The following SINHCAF variants were observed in gnomAD, a reference collection of about 807,000 sequenced individuals.
SINHCAF encodes the protein SIN3-HDAC complex-associated factor.
In SINHCAF, 3 loss-of-function variants were observed where a neutral mutation model predicts 25.8. The observed-to-expected ratio is 0.12, with a 90% CI of 0.05 to 0.30. The LOEUF (loss-of-function observed/expected upper bound fraction) is 0.30, where lower values mean the gene tolerates loss of function less well. Among genes scored for constraint, SINHCAF ranks in the 10% least tolerant of loss-of-function variants. The pLI, the probability that SINHCAF is intolerant of heterozygous loss-of-function variation, is 1.00. For missense variants in SINHCAF, 121 were observed against 262.3 expected, an observed-to-expected ratio of 0.46 and a Z score of 3.72; for synonymous variants, 70 against 85.5, an observed-to-expected ratio of 0.82 and a Z score of 1.00.
chr12:31,299,295 C>T (rs1938680169), intron 1 of SINHCAF, among the ~76,000 whole-genome samples: 1 of 151,808 alleles, frequency 6.6e-6, no homozygotes, highest in Admixed American at 6.6e-5. Context: ...AAAATTATCA[C>T]ATAAAGCAAC....
intron 2 of SINHCAF, among the ~76,000 whole-genome samples, chr12:31,295,889 A>G (rs922582485): frequency 1.3e-5 from 2 of 151,602 alleles, no homozygotes; most frequent in African/African-American, 4.8e-5. Flanking sequence ...AAAAAATTAA[A>G]TAATTAAATA....
intron 4 of SINHCAF, among the ~76,000 whole-genome samples, chr12:31,289,655 T>C (rs1352747169): frequency 6.6e-6 from 1 of 152,164 alleles, no homozygotes; most frequent in Non-Finnish European, 1.5e-5. Flanking sequence ...AGGTGGGGCC[T>C]ACCATACACC....
intron 4 of SINHCAF, among the ~76,000 whole-genome samples, chr12:31,290,305 C>A (rs971435728): frequency 2.0e-5 from 3 of 151,986 alleles, no homozygotes; most frequent in Admixed American, 6.6e-5. Context: ...CCACACCCAA[C>A]TAATTTTTTT....
chr12:31,292,744 G>A (rs1379565333), intron 4 of SINHCAF, among the ~76,000 whole-genome samples: 1 of 152,130 alleles, frequency 6.6e-6, no homozygotes, highest in Non-Finnish European at 1.5e-5. Context: ...GATTACATAT[G>A]TAAAGTGCTT....
chr12:31,294,396 C>T (rs115262606), intron 3 of SINHCAF, among the ~76,000 whole-genome samples: 215 of 152,208 alleles, frequency 1.4e-3, no homozygotes, highest in African/African-American at 4.9e-3. Flanking sequence ...CCTTATTTCA[C>T]CAAGCGAGTA....
chr12:31,317,047 C>T (rs1052678848), intron 1 of SINHCAF, among the ~76,000 whole-genome samples: 1 of 152,078 alleles, frequency 6.6e-6, no homozygotes. Context: ...CTTCTTCTGG[C>T]TTTTTTATAT....
At chr12:31,285,573 A>G (rs1244126231) in intron 5 of SINHCAF, among the ~76,000 whole-genome samples, 1 of 152,158 alleles carries the variant, frequency 6.6e-6, no homozygotes, top group African/African-American at 2.4e-5. Flanking sequence ...TATCATTCTA[A>G]TGCCAAACTG....
At chr12:31,301,454 G>A (rs1938790926) in intron 1 of SINHCAF, among the ~76,000 whole-genome samples, 1 of 152,202 alleles carries the variant, frequency 6.6e-6, no homozygotes, top group Non-Finnish European at 1.5e-5. Context: ...CCTAGGCAAT[G>A]CTCAGTGAGA....
intron 1 of SINHCAF, among the ~76,000 whole-genome samples, chr12:31,309,213 A>T (rs920105932): frequency 6.6e-6 from 1 of 151,782 alleles, no homozygotes; most frequent in African/African-American, 2.4e-5. Flanking sequence ...GAAGCACTGG[A>T]TATCTAGGTA....
At chr12:31,313,079 C>T (rs1392857033) in intron 1 of SINHCAF, among the ~76,000 whole-genome samples, 1 of 152,166 alleles carries the variant, frequency 6.6e-6, no homozygotes, top group Non-Finnish European at 1.5e-5. Context: ...GGCTGGAGTG[C>T]AATGGCACGA....
At chr12:31,301,315 G>A (rs949455997) in intron 1 of SINHCAF, among the ~76,000 whole-genome samples, 2 of 152,128 alleles carry the variant, frequency 1.3e-5, no homozygotes, top group Admixed American at 1.3e-4. Flanking sequence ...CTTAGACATA[G>A]GGGAGAATAG....
At chr12:31,285,643 T>C (rs1938027593) in intron 5 of SINHCAF, among the ~76,000 whole-genome samples, 1 of 152,092 alleles carries the variant, frequency 6.6e-6, no homozygotes, top group Non-Finnish European at 1.5e-5. Context: ...TTCCTCTTTG[T>C]ACCTGTGTTT....
At chr12:31,319,828 T>C (rs552692754) in intron 1 of SINHCAF, among the ~76,000 whole-genome samples, 24 of 152,274 alleles carry the variant, frequency 1.6e-4, no homozygotes, top group Non-Finnish European at 2.9e-4. Flanking sequence ...CACCAATCCA[T>C]TCCAATCTTT....
rs2304459 is a variant in SINHCAF, at chr12:31,293,810, C to T, written c.350G>A (p.Arg117His). 9.2e-4 allele frequency: 1,471 copies of T among 1,596,512 alleles called. 15 individuals carry two copies. The East Asian group carries it at 0.015, about 16-fold the overall frequency. Residue 117 changes from arginine to histidine, a missense_variant, in exon 4 of 6, where the codon CGT (arginine) becomes CAT (histidine). Transcript: ENST00000337682. ...QISKLQKEFK[R>H]HNSDAHSTTS... ...TGTTGTAATATCAAACTTACTATGACGTTTAAATTCCTTCTGCAGTTTACT... is the reference window on the plus strand; with the variant it reads ...TGTTGTAATATCAAACTTACTATGATGTTTAAATTCCTTCTGCAGTTTACT...
chr12:31,309,038 G>T (rs886130230), intron 1 of SINHCAF, among the ~76,000 whole-genome samples: 2 of 147,262 alleles, frequency 1.4e-5, no homozygotes, highest in African/African-American at 5.0e-5. Flanking sequence ...TGAGGCAGGA[G>T]AATCACTTGA....
chr12:31,318,839 G>C (rs547660307), intron 1 of SINHCAF, among the ~76,000 whole-genome samples: 13 of 152,260 alleles, frequency 8.5e-5, no homozygotes, highest in Non-Finnish European at 1.3e-4. Flanking sequence ...TTCTGCTTCT[G>C]TCTTTACAAC....
chr12:31,305,109 T>G (rs1938966857), intron 1 of SINHCAF: 1 of 152,144 alleles, frequency 6.6e-6, no homozygotes, highest in African/African-American at 2.4e-5. Flanking sequence ...TCATGGTCCA[T>G]TCAGGAAGTT....
chr12:31,316,228 G>T (rs747345506), intron 1 of SINHCAF, among the ~76,000 whole-genome samples: 1 of 151,394 alleles, frequency 6.6e-6, no homozygotes, highest in Non-Finnish European at 1.5e-5. Flanking sequence ...CAAATAAACT[G>T]AATATCCCAA....
intron 1 of SINHCAF, among the ~76,000 whole-genome samples, chr12:31,308,201 A>T (rs1025011747): frequency 6.6e-6 from 1 of 152,048 alleles, no homozygotes; most frequent in Non-Finnish European, 1.5e-5. Context: ...CAGCTTCTCA[A>T]AGTGCTGGGA....
Sources: allele counts gnomAD v4.1 joint callset (sites outside exome capture counted in the v4.1 genomes callset), GRCh38; gene constraint gnomAD v4.1.1; transcripts MANE v1.5; gene names NCBI Gene and HGNC (gene_info 2026-07-23, HGNC 2026-07-21).